The following GAN variants were observed in gnomAD, a reference collection of about 807,000 sequenced individuals.
The protein encoded by GAN is gigaxonin.
Under a neutral mutation model 71.3 loss-of-function variants are expected in GAN, and 48 were observed. That is an observed-to-expected ratio of 0.67 (90% CI 0.53 to 0.86). The LOEUF is 0.86. GAN is among the 40% of genes least tolerant of loss of function. The pLI is 0.00. For synonymous variants in GAN, 386 were observed against 276.8 expected (o/e 1.39, Z -3.92); for missense variants, 928 against 770.1 (o/e 1.21, Z -2.43).
intron 2 of GAN, among the ~76,000 whole-genome samples, chr16:81,353,709 T>C (rs138945831): frequency 6.6e-6 from 1 of 152,146 alleles, no homozygotes; most frequent in East Asian, 1.9e-4. Context: ...CCTGATGCTT[T>C]GGAGCACTGT....
intron 5 of GAN, among the ~76,000 whole-genome samples, chr16:81,359,121 G>A (rs1173301530): frequency 6.6e-6 from 1 of 152,164 alleles, no homozygotes; most frequent in African/African-American, 2.4e-5. Context: ...CAGTAGTGAA[G>A]AGCTGGACAG....
At position 81,363,944 on chromosome 16, in the gene GAN, G is replaced by A; in HGVS notation, c.1236+1G>A. ...ACCTGATTTGACCATGGTCAGAAAGGTGAGGACTGCATTTTGTGATAACTA... is the reference window on the plus strand; with the variant it reads ...ACCTGATTTGACCATGGTCAGAAAGATGAGGACTGCATTTTGTGATAACTA... On this transcript the variant is annotated splice_donor_variant, in intron 7 of 10. Transcript: ENST00000648994. LOFTEE classifies it high-confidence loss of function. 6.2e-7 allele frequency: 1 copy of A among 1,611,356 alleles called. No individual in the cohort carries two copies. The highest frequency in any genetic ancestry group is 8.5e-7 in the Non-Finnish European group (1 of 1,177,436).
At chr16:81,323,599 C>T (rs1404190587) in intron 1 of GAN, among the ~76,000 whole-genome samples, 1 of 152,144 alleles carries the variant, frequency 6.6e-6, no homozygotes, top group African/African-American at 2.4e-5. Context: ...TGTTTCTTCA[C>T]AGATATATTT....
Position 81,377,685 on chromosome 16 carries a change from A to C in GAN, c.*89A>C. On this transcript the variant is annotated 3_prime_UTR_variant, in exon 11 of 11. Coordinates refer to ENST00000648994, the MANE Select transcript of GAN (RefSeq NM_022041.4). ...AGAGCAGAGATGGCAGCTGAAACTC[A>C]CTCTGTGCTGGGCTTTGGTATGGTA... 2.6e-6 allele frequency: 3 copies of C among 1,151,844 alleles called. No individual in the cohort carries two copies. The highest frequency in any genetic ancestry group is 1.5e-5 in the African/African-American group (1 of 66,166). The allele number at this position is 1,151,844 out of a possible 1,614,324, so 71.4% of individuals were successfully genotyped here. A position where few individuals can be genotyped will look rare whatever the true frequency, so the allele number is the denominator to read the frequency against.
chr16:81,378,141 C>T lies in GAN; in HGVS notation c.*545C>T, dbSNP rs1457326866. On this transcript the variant is annotated 3_prime_UTR_variant, in exon 11 of 11. Coordinates refer to ENST00000648994, the MANE Select transcript of GAN (RefSeq NM_022041.4). ...TATGCCAGTTAGTCTCCATTTATTC[C>T]TAGTACTCTGTCCTAAGAATCTTTT... 1 of 167,196 alleles carries T rather than the reference C, an allele frequency of 6.0e-6. No homozygotes were observed. Among genetic ancestry groups the T allele is most frequent in the Non-Finnish European group, 1.3e-5 (1 of 75,708 alleles). 10.4% of individuals were successfully genotyped at this position (167,196 alleles called of 1,614,324 possible).
At chr16:81,366,846 A>AG (rs1910872560) in intron 9 of GAN, among the ~76,000 whole-genome samples, 1 of 151,702 alleles carries the variant, frequency 6.6e-6, no homozygotes, top group Non-Finnish European at 1.5e-5. Context: ...TCTTTTTTGG[A>AG]GACAGTCTCG....
intron 9 of GAN, among the ~76,000 whole-genome samples, chr16:81,371,578 A>C (rs310032): frequency 0.23 from 35,134 of 152,106 alleles, 4,419 homozygotes; most frequent in Non-Finnish European, 0.3. Context: ...AGATGGTTCC[A>C]GGGTTAGTTG....
intron 5 of GAN, among the ~76,000 whole-genome samples, 172 bp from the exon 6 acceptor site, chr16:81,362,327 A>G (rs528834601): frequency 2.0e-5 from 3 of 152,316 alleles, no homozygotes; most frequent in Non-Finnish European, 4.4e-5. Flanking sequence ...GGTCAAAGTG[A>G]TGGTTTGGCT....
intron 1 of GAN, among the ~76,000 whole-genome samples, chr16:81,319,206 T>TTTTATATATA (rs61540131): frequency 7.2e-6 from 1 of 138,798 alleles, no homozygotes; most frequent in African/African-American, 2.7e-5. Context: ...TAGATATAGA[T>TTTTATATATA]TATATATATA....
intron 1 of GAN, among the ~76,000 whole-genome samples, chr16:81,325,789 A>C (rs562258409): frequency 5.8e-4 from 89 of 152,376 alleles, no homozygotes; most frequent in African/African-American, 2.0e-3. Flanking sequence ...AAAGTGGGGA[A>C]GACAACAGTC....
At chr16:81,358,750 C>G (rs1468063541) in intron 5 of GAN, among the ~76,000 whole-genome samples, 1 of 152,144 alleles carries the variant, frequency 6.6e-6, no homozygotes, top group African/African-American at 2.4e-5. Flanking sequence ...ATCCAAAGCT[C>G]TCCCTTAAGG....
At position 81,315,307 on chromosome 16, in the gene GAN, C is replaced by T. The variant is rs758049073; in HGVS notation, c.167+27C>T. 1.0e-5 allele frequency: 15 copies of T among 1,475,408 alleles called. No homozygotes were observed. The South Asian group carries it at 2.0e-4, about 19-fold the overall frequency. The allele number at this position is 1,475,408 out of a possible 1,614,324, so 91.4% of individuals were successfully genotyped here. ...TGGGGAGGGGGCTACGGCGGGCGGG[C>T]GCGGCGGTGCTGCCCGGAGCCGGAG... On this transcript the variant is annotated intron_variant, in intron 1 of 10. Coordinates refer to ENST00000648994, the MANE Select transcript of GAN (RefSeq NM_022041.4).
chr16:81,364,289 A>C (rs2150691202), intron 7 of GAN, among the ~76,000 whole-genome samples: 1 of 152,132 alleles, frequency 6.6e-6, no homozygotes, highest in East Asian at 1.9e-4. Context: ...TTTGTTGTTG[A>C]GAGAGGGTCT....
At chr16:81,361,613 T>C (rs1910675220) in intron 5 of GAN, among the ~76,000 whole-genome samples, 1 of 152,248 alleles carries the variant, frequency 6.6e-6, no homozygotes, top group African/African-American at 2.4e-5. Context: ...ATGGTTTTCA[T>C]GCTTGATAAC....
intron 8 of GAN, 92 bp from the exon 9 acceptor site, chr16:81,365,258 T>C: frequency 1.3e-6 from 2 of 1,577,374 alleles, no homozygotes; most frequent in Non-Finnish European, 1.7e-6. Context: ...CACGTAGTAA[T>C]GCTGCAGAGT....
rs745322930 is a variant in GAN, at chr16:81,384,910, C to G, written c.*7314C>G. ...CAGTTGTAGGCAAGACTCTTCCTCT[C>G]GGGAGATCTTGTAATAATGGCCCAG... On this transcript the variant is annotated 3_prime_UTR_variant, in exon 11 of 11. Transcript: ENST00000648994. The G allele has an allele frequency of 6.5e-6, 1 of 154,046 alleles. No homozygotes were observed. Among genetic ancestry groups the G allele is most frequent in the East Asian group, 1.9e-4 (1 of 5,196 alleles). The allele number at this position is 154,046 out of a possible 1,614,324, so 9.5% of individuals were successfully genotyped here. A position where few individuals can be genotyped will look rare whatever the true frequency, so the allele number is the denominator to read the frequency against.
chr16:81,328,674 C>T (rs1049862567), intron 1 of GAN, among the ~76,000 whole-genome samples: 12 of 149,530 alleles, frequency 8.0e-5, no homozygotes, highest in Non-Finnish European at 1.6e-4. Context: ...GATCTATCAC[C>T]ATTTTTTTTA....
At chr16:81,347,876 A>T (rs1567488546) in intron 1 of GAN, among the ~76,000 whole-genome samples, 2 of 151,992 alleles carry the variant, frequency 1.3e-5, no homozygotes, top group East Asian at 1.9e-4. Flanking sequence ...GTCTATTTTC[A>T]TCCGTTACTG....
At chr16:81,348,524 G>A (rs1288253567) in intron 1 of GAN, among the ~76,000 whole-genome samples, 1 of 152,170 alleles carries the variant, frequency 6.6e-6, no homozygotes, top group Non-Finnish European at 1.5e-5. Context: ...AAAAAAACAT[G>A]TTGCAAGTAT....
Sources: allele counts gnomAD v4.1 joint callset (sites outside exome capture counted in the v4.1 genomes callset), GRCh38; gene constraint gnomAD v4.1.1; transcripts MANE v1.5; gene names NCBI Gene and HGNC (gene_info 2026-07-23, HGNC 2026-07-21).